Variants in KAT6A observed in about 807,000 individuals in gnomAD.
KAT6A encodes histone acetyltransferase KAT6A.
Under a neutral mutation model 198.4 loss-of-function variants are expected in KAT6A, and 9 were observed. The observed-to-expected ratio is 0.05, with a 90% CI of 0.03 to 0.08. KAT6A has a LOEUF of 0.08. Among genes scored for constraint, KAT6A ranks in the 10% least tolerant of loss-of-function variants. The probability of loss-of-function intolerance (pLI) is 1.00; values close to 1 mark genes in which losing one functional copy is unlikely to be tolerated. For missense variants in KAT6A, 2,077 were observed against 2,509.9 expected (o/e 0.83, Z 3.69); for synonymous variants, 890 against 883.0 (o/e 1.01, Z -0.14).
At chr8:42,002,462 G>A (rs529483783) in intron 2 of KAT6A, among the ~76,000 whole-genome samples, 47 of 152,190 alleles carry the variant, frequency 3.1e-4, no homozygotes, top group Non-Finnish European at 6.3e-4. Flanking sequence ...TCGGGAGGCT[G>A]AAGCACGAGT....
intron 8 of KAT6A, among the ~76,000 whole-genome samples, chr8:41,956,759 A>G (rs947709197): frequency 6.6e-6 from 1 of 152,250 alleles, no homozygotes; most frequent in East Asian, 1.9e-4. Context: ...GCTCCTCCAA[A>G]TACAAAACCA....
Position 41,932,806 on chromosome 8 carries a change from TGAG to T in KAT6A, c.5411_5413del (p.Pro1804del), listed in dbSNP as rs777013944. ...GGGTGGCGTCATGGTGGCTTGTGCTTGAGGAGTCCCAGCTAAGGGATGAGATGG... is the reference window on the plus strand; with the variant it reads ...GGGTGGCGTCATGGTGGCTTGTGCTTGAGTCCCAGCTAAGGGATGAGATGG... On this transcript the variant is annotated inframe_deletion, in exon 17 of 17. Coordinates refer to ENST00000265713, the MANE Select transcript of KAT6A (RefSeq NM_006766.5). The T allele has an allele frequency of 1.9e-6, 3 of 1,614,054 alleles. No individual in the cohort carries two copies. Among genetic ancestry groups the T allele is most frequent in the East Asian group, 2.2e-5 (1 of 44,862 alleles).
chr8:41,948,371 C>A (rs759808668), intron 10 of KAT6A, among the ~76,000 whole-genome samples: 1 of 152,178 alleles, frequency 6.6e-6, no homozygotes, highest in South Asian at 2.1e-4. Flanking sequence ...CTACCATGAT[C>A]GGGCTTGAAC....
In KAT6A at chr8:42,049,242, T is replaced by G. The variant is rs952092492; in HGVS notation, c.-265A>C. 9.7e-6 allele frequency: 4 copies of G among 411,670 alleles called. No homozygotes were observed. Among genetic ancestry groups the G allele is most frequent in the African/African-American group, 8.1e-5 (4 of 49,424 alleles). The allele number at this position is 411,670 out of a possible 1,614,324, so 25.5% of individuals were successfully genotyped here. ...ACCACACATGGGTCTCGTCATAAAG[T>G]TGTAAGAACTCAAGAATATTTCATT... On this transcript the variant is annotated 5_prime_UTR_variant, in exon 2 of 17. Transcript: ENST00000265713.
chr8:41,999,315 T>C (rs1456299253), intron 2 of KAT6A, among the ~76,000 whole-genome samples: 2 of 152,230 alleles, frequency 1.3e-5, no homozygotes, highest in East Asian at 3.8e-4. Context: ...TTGTCAGTGA[T>C]ACATTTCCTC....
In KAT6A at chr8:42,022,187, G is replaced by C. The variant is rs1247422509; in HGVS notation, c.600+26191C>G. Among the ~76,000 whole-genome samples, 9 of 152,088 alleles carry C rather than the reference G, an allele frequency of 5.9e-5. No individual in the cohort carries two copies. In the East Asian group the frequency reaches 1.2e-3, roughly 20 times the overall value. ...AAAATTATACAGGTTTTCAAATACA[G>C]GTACTACATAATGGGCACTTAAAAA... On this transcript the variant is annotated intron_variant, in intron 2 of 16. Transcript: ENST00000265713.
chr8:41,944,927 T>C (rs1317940642), intron 12 of KAT6A, among the ~76,000 whole-genome samples: 1 of 152,198 alleles, frequency 6.6e-6, no homozygotes, highest in Non-Finnish European at 1.5e-5. Context: ...CAATAAAATA[T>C]GGACAGAAGG....
rs563377135 is a variant in KAT6A at position 41,978,295 on chromosome 8, A to C, written c.1043+347T>G. ...TTCTTTCCTGTTTTTATATAAGAGA[A>C]GCAACATAAAGCAATGGTTAAGAGT... On this transcript the variant is annotated intron_variant, in intron 6 of 16. Coordinates refer to ENST00000265713, the MANE Select transcript of KAT6A (RefSeq NM_006766.5). 1.3e-4 allele frequency among the ~76,000 whole-genome samples: 20 copies of C among 152,342 alleles called. No individual in the cohort carries two copies. In the East Asian group the frequency reaches 3.7e-3, roughly 28 times the overall value.
At chr8:42,029,253 G>A (rs1826989504) in intron 2 of KAT6A, among the ~76,000 whole-genome samples, 1 of 152,128 alleles carries the variant, frequency 6.6e-6, no homozygotes, top group Non-Finnish European at 1.5e-5. Flanking sequence ...ATGTGCCATG[G>A]AGAACACCTT....
intron 12 of KAT6A, 75 bp from the exon 13 acceptor site, chr8:41,944,054 C>A: frequency 1.1e-6 from 1 of 949,522 alleles, no homozygotes; most frequent in South Asian, 1.5e-5. Context: ...AAATAACAAT[C>A]CCCTCTTCTA....
chr8:41,932,744 G>A lies in KAT6A; in HGVS notation c.5476C>T (p.Pro1826Ser). The A allele has an allele frequency of 6.2e-7, 1 of 1,614,250 alleles. No individual in the cohort carries two copies. The highest frequency in any genetic ancestry group is 8.5e-7 in the Non-Finnish European group (1 of 1,180,036). The change falls in exon 17 of 17, where the codon CCT becomes TCT. Residue 1826 changes from proline (P) to serine (S), a missense_variant. This residue lies in a region of KAT6A where 500 missense variants were observed against 577.2 expected (regional missense o/e 0.87). Coordinates refer to ENST00000265713, the MANE Select transcript of KAT6A (RefSeq NM_006766.5). ...GCAGACATGTTGCACTGAAGCAGAGGAGATGTGAGGTTCATGGTAGTGGAT... is the reference window on the plus strand; with the variant it reads ...GCAGACATGTTGCACTGAAGCAGAGAAGATGTGAGGTTCATGGTAGTGGAT... ...LASTTMNLTS[P>S]LLQCNMSATN... is the part of the protein sequence containing the mutation.
At position 41,933,653 on chromosome 8, in the gene KAT6A, A is replaced by C. The variant is rs752181852; in HGVS notation, c.4567T>G (p.Ser1523Ala). Residue 1523 changes from serine to alanine, a missense_variant, in exon 17 of 17, where the codon TCT becomes GCT. Ser to Ala is a moderately conservative substitution (Grantham distance 99). Transcript: ENST00000265713. This position sits in a 1 kb window ranked among gnomAD's most constrained non-coding sequence, Gnocchi z 6.2. ...SPEQGSLSAP[S>A]MQNMETSPMM... is the part of the protein sequence containing the mutation. ...GGGCTGGTCTCCATGTTCTGCATAG[A>C]GGGTGCGGACAGGGATCCTTGTTCT... 6.2e-7 allele frequency: 1 copy of C among 1,614,128 alleles called. No individual in the cohort carries two copies.
chr8:42,008,765 G>A (rs1356321044), intron 2 of KAT6A, among the ~76,000 whole-genome samples: 1 of 152,092 alleles, frequency 6.6e-6, no homozygotes, highest in Non-Finnish European at 1.5e-5. Flanking sequence ...CCACATGTGA[G>A]CTAGTGGGTA....
At chr8:41,959,637 T>C (rs1203454783) in intron 8 of KAT6A, among the ~76,000 whole-genome samples, 2 of 152,198 alleles carry the variant, frequency 1.3e-5, no homozygotes, top group Non-Finnish European at 2.9e-5. Context: ...GGTACATACG[T>C]ACAATGGAAT....
At chr8:41,970,790 C>T (rs1051847283) in intron 8 of KAT6A, among the ~76,000 whole-genome samples, 2 of 152,150 alleles carry the variant, frequency 1.3e-5, no homozygotes, top group African/African-American at 4.8e-5. Flanking sequence ...TATTGCGGCA[C>T]TATTCACAAT....
At chr8:41,952,437 T>G (rs1239266619) in intron 9 of KAT6A, among the ~76,000 whole-genome samples, 1 of 152,170 alleles carries the variant, frequency 6.6e-6, no homozygotes, top group African/African-American at 2.4e-5. Context: ...AATGGCAGAG[T>G]AGGTTTCGCA....
chr8:41,967,042 A>ACGCAAAGAAATTTTAATAACC (rs1255786268), intron 8 of KAT6A, among the ~76,000 whole-genome samples: 2 of 152,286 alleles, frequency 1.3e-5, no homozygotes, highest in East Asian at 3.9e-4. Flanking sequence ...TTAACTCTTC[A>ACGCAAAGAAATTTTAATAACC]CGCAAAGAAA....
At chr8:42,010,997 A>T (rs189299032) in intron 2 of KAT6A, among the ~76,000 whole-genome samples, 12 of 152,324 alleles carry the variant, frequency 7.9e-5, no homozygotes, top group Admixed American at 5.2e-4. Context: ...GAGCAGAGAT[A>T]AGAGGAGATA....
intron 1 of KAT6A, among the ~76,000 whole-genome samples, chr8:42,051,513 C>A (rs1476780132): frequency 1.4e-5 from 2 of 145,816 alleles, no homozygotes; most frequent in African/African-American, 4.9e-5. Flanking sequence ...CGAGGGAGAG[C>A]GGGCTCGCCG....
Sources: allele counts gnomAD v4.1 joint callset (sites outside exome capture counted in the v4.1 genomes callset), GRCh38; gene constraint gnomAD v4.1.1; regional missense constraint gnomAD v4.1.1; non-coding constraint Gnocchi (gnomAD v3.1); transcripts MANE v1.5; gene names NCBI Gene and HGNC (gene_info 2026-07-23, HGNC 2026-07-21).